Variants in CFAP418 observed in about 807,000 individuals in gnomAD.
The protein encoded by CFAP418 is cilia and flagella associated protein 418, also known as cilia- and flagella-associated protein 418.
In CFAP418, 27 loss-of-function variants were observed where a neutral mutation model predicts 24.7. That is an observed-to-expected ratio of 1.09 (90% confidence interval 0.81 to 1.51). The LOEUF is 1.51. Among genes scored for constraint, CFAP418 ranks in the 40% most tolerant of loss-of-function variants. The probability of loss-of-function intolerance (pLI) is 0.00; values close to 1 mark genes in which losing one functional copy is unlikely to be tolerated. For missense variants in CFAP418, 257 were observed against 255.2 expected (o/e 1.01, Z -0.05); for synonymous variants, 74 against 87.3 (o/e 0.85, Z 0.85).
chr8:95,255,637 A>C (rs1307209323), intron 4 of CFAP418, among the ~76,000 whole-genome samples: 1 of 152,214 alleles, frequency 6.6e-6, no homozygotes, highest in East Asian at 1.9e-4. Context: ...GGAAGTGTCC[A>C]TTTATTTGTT....
chr8:95,260,776 C>T (rs1202530894), intron 2 of CFAP418, among the ~76,000 whole-genome samples: 2 of 152,038 alleles, frequency 1.3e-5, no homozygotes, highest in Non-Finnish European at 1.5e-5. Flanking sequence ...TGATATATTG[C>T]CATTATTAGC....
At position 95,252,263 on chromosome 8, in the gene CFAP418, C is replaced by G. The variant is rs759733354; in HGVS notation, c.395G>C (p.Cys132Ser). 5 of 1,613,242 alleles carry G rather than the reference C, an allele frequency of 3.1e-6. No individual in the cohort carries two copies. The highest frequency in any genetic ancestry group is 4.2e-6 in the Non-Finnish European group (5 of 1,179,534). ...ISWRACDHLR[C>S]IACDFLVVSY... ...GACTACCAAGAAATCACAGGCTATA[C>G]AACGCAGATGGTCACATGCTCTGTT... Residue 132 changes from cysteine to serine, a missense_variant, in exon 5 of 6, where the codon TGT (cysteine) becomes TCT (serine). Cys to Ser is a moderately radical substitution (Grantham distance 112). Coordinates refer to ENST00000286688, the MANE Select transcript of CFAP418 (RefSeq NM_177965.4).
chr8:95,248,266 C>T (rs1193940219), intron 5 of CFAP418, among the ~76,000 whole-genome samples: 4 of 152,190 alleles, frequency 2.6e-5, no homozygotes, highest in African/African-American at 9.6e-5. Context: ...CTTTTTATGG[C>T]AATCCTCTAG....
chr8:95,254,404 C>G (rs1323572365), intron 4 of CFAP418, among the ~76,000 whole-genome samples: 1 of 152,178 alleles, frequency 6.6e-6, no homozygotes, highest in East Asian at 1.9e-4. Context: ...TATGCCCTGG[C>G]CATGTAAATC....
intron 1 of CFAP418, among the ~76,000 whole-genome samples, chr8:95,266,400 G>A (rs1462549320): frequency 6.6e-6 from 1 of 151,818 alleles, no homozygotes; most frequent in Non-Finnish European, 1.5e-5. Context: ...TGCATGTTTT[G>A]ACCTCTTACA....
chr8:95,268,988 T>A (rs775056718), intron 1 of CFAP418, 47 bp downstream of exon 1: 2 of 1,587,490 alleles, frequency 1.3e-6, no homozygotes, highest in Non-Finnish European at 1.7e-6. Context: ...CTCTAGGGCC[T>A]GGAGCAGGGC....
intron 4 of CFAP418, among the ~76,000 whole-genome samples, chr8:95,257,147 T>G (rs939154363): frequency 6.6e-6 from 1 of 152,014 alleles, no homozygotes; most frequent in Non-Finnish European, 1.5e-5. Flanking sequence ...GGCTCATGGG[T>G]GACTTGAGAG....
intron 1 of CFAP418, among the ~76,000 whole-genome samples, chr8:95,268,634 G>A (rs954826527): frequency 1.6e-4 from 24 of 152,006 alleles, no homozygotes; most frequent in Non-Finnish European, 3.1e-4. Flanking sequence ...GGTCAGCACA[G>A]CCCTCTCGGG....
At chr8:95,264,791 G>A (rs1191053458) in intron 1 of CFAP418, among the ~76,000 whole-genome samples, 3 of 152,186 alleles carry the variant, frequency 2.0e-5, no homozygotes, top group Non-Finnish European at 2.9e-5. Flanking sequence ...AGAAAAGCAA[G>A]AGACGGCTGC....
intron 5 of CFAP418, among the ~76,000 whole-genome samples, chr8:95,251,102 A>G (rs979900633): frequency 6.6e-6 from 1 of 152,244 alleles, no homozygotes; most frequent in Admixed American, 6.5e-5. Context: ...CTGTAAGTGT[A>G]TAAGAATGTA....
chr8:95,256,335 C>T (rs1372397950), intron 4 of CFAP418, among the ~76,000 whole-genome samples: 2 of 152,112 alleles, frequency 1.3e-5, no homozygotes, highest in Admixed American at 6.5e-5. Flanking sequence ...TGAGATATAA[C>T]GTAACAAGAA....
Position 95,264,778 on chromosome 8 carries a change from A to G in CFAP418, c.156-1004T>C, listed in dbSNP as rs147035826. Reference sequence around the variant, plus strand: ...TTGGAGTAAAATAATTTAACCTGATATAAGAAAAGCAAGAGACGGCTGCCT... The same window carrying G: ...TTGGAGTAAAATAATTTAACCTGATGTAAGAAAAGCAAGAGACGGCTGCCT... On this transcript the variant is annotated intron_variant, in intron 1 of 5. Transcript: ENST00000286688. Among the ~76,000 whole-genome samples the G allele has an allele frequency of 3.3e-4, 50 of 152,334 alleles. No homozygotes were observed. The East Asian group carries it at 9.1e-3, about 28-fold the overall frequency.
At chr8:95,250,058 C>A (rs1365773438) in intron 5 of CFAP418, among the ~76,000 whole-genome samples, 1 of 152,204 alleles carries the variant, frequency 6.6e-6, no homozygotes, top group Non-Finnish European at 1.5e-5. Flanking sequence ...TGTCTCCCTT[C>A]CCCTGGGTTC....
chr8:95,256,503 C>G (rs528003510), intron 4 of CFAP418, among the ~76,000 whole-genome samples: 36 of 152,260 alleles, frequency 2.4e-4, no homozygotes, highest in African/African-American at 7.9e-4. Flanking sequence ...AGTGAGGAAA[C>G]AGGTTTTAGA....
intron 4 of CFAP418, 85 bp downstream of exon 4, chr8:95,259,755 T>C (rs761657062): frequency 2.1e-6 from 2 of 950,900 alleles, no homozygotes; most frequent in Non-Finnish European, 3.3e-6. Flanking sequence ...CAGATTGATG[T>C]GAAGATGATA....
At chr8:95,265,230 T>C (rs1463711320) in intron 1 of CFAP418, among the ~76,000 whole-genome samples, 1 of 151,990 alleles carries the variant, frequency 6.6e-6, no homozygotes, top group East Asian at 1.9e-4. Context: ...GGTGCGACAA[T>C]AAAAAATGTC....
Position 95,263,794 on chromosome 8 carries a change from A to G in CFAP418, c.156-20T>C, listed in dbSNP as rs1811932044. Reference sequence around the variant, plus strand: ...GTTGATCTGAAAAGAAGACATACACAAAGAAAACTTACCTGAGGTTTATGA... The same window carrying G: ...GTTGATCTGAAAAGAAGACATACACGAAGAAAACTTACCTGAGGTTTATGA... On this transcript the variant is annotated intron_variant, in intron 1 of 5. Coordinates refer to ENST00000286688, the MANE Select transcript of CFAP418 (RefSeq NM_177965.4). 6 of 1,473,618 alleles carry G rather than the reference A, an allele frequency of 4.1e-6. No homozygotes were observed. Among genetic ancestry groups the G allele is most frequent in the Non-Finnish European group, 5.7e-6 (6 of 1,057,770 alleles). The allele number at this position is 1,473,618 out of a possible 1,614,324, so 91.3% of individuals were successfully genotyped here. A position where few individuals can be genotyped will look rare whatever the true frequency, so the allele number is the denominator to read the frequency against.
At position 95,245,291 on chromosome 8, in the gene CFAP418, A is replaced by C. The variant is rs1441764589; in HGVS notation, c.*2326T>G. ...TCTACATTTTAGTTTAAAATAGTAC[A>C]ATATTAAAAAGCTTATAAATTGCCA... On this transcript the variant is annotated 3_prime_UTR_variant, in exon 6 of 6. Coordinates refer to ENST00000286688, the MANE Select transcript of CFAP418 (RefSeq NM_177965.4). The C allele has an allele frequency of 6.6e-6, 1 of 152,228 alleles. No homozygotes were observed. The highest frequency in any genetic ancestry group is 1.5e-5 in the Non-Finnish European group (1 of 68,048). 9.4% of individuals were successfully genotyped at this position (152,228 alleles called of 1,614,324 possible).
chr8:95,245,325 G>A lies in CFAP418; in HGVS notation c.*2292C>T, dbSNP rs1811599299. Reference sequence around the variant, plus strand: ...AAGCTTATAAATTGCCAATAAACATGGGAACTCACACATACATTTCTGACA... The same window carrying A: ...AAGCTTATAAATTGCCAATAAACATAGGAACTCACACATACATTTCTGACA... On this transcript the variant is annotated 3_prime_UTR_variant, in exon 6 of 6. Transcript: ENST00000286688. 6.6e-6 allele frequency: 1 copy of A among 151,942 alleles called. No homozygotes were observed. Among genetic ancestry groups the A allele is most frequent in the Non-Finnish European group, 1.5e-5 (1 of 67,992 alleles). 9.4% of individuals were successfully genotyped at this position (151,942 alleles called of 1,614,324 possible). A position where few individuals can be genotyped will look rare whatever the true frequency, so the allele number is the denominator to read the frequency against.
Sources: gnomAD v4.1 joint callset for allele counts (sites outside exome capture counted in the v4.1 genomes callset) on GRCh38, gnomAD v4.1.1 for gene constraint, MANE v1.5 for transcripts, NCBI Gene and HGNC (gene_info 2026-07-23, HGNC 2026-07-21) for gene names.